The following FARS2 variants were observed in gnomAD, a reference collection of about 807,000 sequenced individuals.
FARS2 encodes phenylalanine--tRNA ligase, mitochondrial.
A neutral mutation model predicts 46.4 loss-of-function variants in FARS2; 40 were observed. The observed-to-expected ratio is 0.86, with a 90% CI of 0.67 to 1.12. FARS2 has a LOEUF of 1.12. Among genes scored for constraint, FARS2 ranks in the 50% most tolerant of loss-of-function variants. The pLI is 0.00. For synonymous variants in FARS2, 234 were observed against 214.9 expected (o/e 1.09, Z -0.78); for missense variants, 513 against 567.9 (o/e 0.90, Z 0.98).
chr6:5,766,407 G>A (rs58085393), intron 6 of FARS2, among the ~76,000 whole-genome samples: 3,577 of 152,236 alleles, frequency 0.023, 146 homozygotes, highest in African/African-American at 0.078. Context: ...ACATTAAATC[G>A]TCTGTGCCCC....
chr6:5,485,223 C>G (rs1351952622), intron 4 of FARS2, among the ~76,000 whole-genome samples: 1 of 152,114 alleles, frequency 6.6e-6, no homozygotes, highest in Admixed American at 6.5e-5. Flanking sequence ...AGTGTGGTGT[C>G]TCACTTTTCT....
chr6:5,290,531 TA>T (rs1430402668), intron 1 of FARS2, among the ~76,000 whole-genome samples: 2 of 152,222 alleles, frequency 1.3e-5, no homozygotes, highest in Non-Finnish European at 1.5e-5. Flanking sequence ...TAGGAATTTT[TA>T]AAGCAGAATG....
chr6:5,618,178 C>G (rs1469070173), intron 6 of FARS2, among the ~76,000 whole-genome samples: 1 of 152,120 alleles, frequency 6.6e-6, no homozygotes, highest in African/African-American at 2.4e-5. Flanking sequence ...GGTTGCTAAC[C>G]CTTGATTTGG....
intron 6 of FARS2, among the ~76,000 whole-genome samples, chr6:5,707,022 G>C (rs1011665289): frequency 6.6e-6 from 1 of 152,212 alleles, no homozygotes; most frequent in Non-Finnish European, 1.5e-5. Context: ...GCAGAGGCAC[G>C]ATCAGCACAG....
chr6:5,588,071 C>T (rs188749380), intron 5 of FARS2, among the ~76,000 whole-genome samples: 1 of 152,174 alleles, frequency 6.6e-6, no homozygotes, highest in Non-Finnish European at 1.5e-5. Flanking sequence ...GTGAAGGTGA[C>T]AGCTAGGCCT....
chr6:5,717,931 T>TAG (rs1175182131), intron 6 of FARS2, among the ~76,000 whole-genome samples: 1 of 118,518 alleles, frequency 8.4e-6, no homozygotes, highest in African/African-American at 4.5e-5. Flanking sequence ...TATATATATA[T>TAG]ATATACAGAG....
chr6:5,386,949 G>T lies in FARS2; in HGVS notation c.613-17593G>T, dbSNP rs182295209. ...TATCAGTTTAGCTGCATTCATCTAG[G>T]GGAAGGTACGCAGGGTAAAGACTGT... On this transcript the variant is annotated intron_variant, in intron 2 of 6. Transcript: ENST00000274680. Among the ~76,000 whole-genome samples the T allele has an allele frequency of 3.4e-4, 52 of 152,272 alleles. No homozygotes were observed. The South Asian group carries it at 0.011, about 31-fold the overall frequency.
Position 5,404,562 on chromosome 6 carries a change from T to A in FARS2, c.633T>A (p.Asp211Glu). The A allele has an allele frequency of 6.2e-7, 1 of 1,603,590 alleles. No individual in the cohort carries two copies. The highest frequency in any genetic ancestry group is 8.5e-7 in the Non-Finnish European group (1 of 1,174,570). ...TACAGTTATTTGCTGGTATAAAGGA[T>A]GGAGAAAGCCTGCAGCTCTTTGAAC... The part of the protein sequence containing the change: ...SKHELFAGIK[D>E]GESLQLFEQS... The change falls in exon 3 of 7, where the codon GAT becomes GAA. Residue 211 changes from aspartate to glutamate, a missense_variant. Coordinates refer to ENST00000274680, the MANE Select transcript of FARS2 (RefSeq NM_006567.5).
intron 6 of FARS2, among the ~76,000 whole-genome samples, chr6:5,725,765 G>A (rs182509228): frequency 2.0e-5 from 3 of 152,166 alleles, no homozygotes; most frequent in Non-Finnish European, 2.9e-5. Flanking sequence ...GCGAAACCCC[G>A]TGTCTACTAA....
intron 1 of FARS2, among the ~76,000 whole-genome samples, chr6:5,268,364 C>A (rs1765697913): frequency 6.6e-6 from 1 of 152,174 alleles, no homozygotes; most frequent in Admixed American, 6.5e-5. Flanking sequence ...TTTAATCCAT[C>A]TCACATTAAT....
chr6:5,375,362 T>C (rs1278379932), intron 2 of FARS2, among the ~76,000 whole-genome samples: 1 of 152,008 alleles, frequency 6.6e-6, no homozygotes, highest in Non-Finnish European at 1.5e-5. Flanking sequence ...GCATCAGATA[T>C]TTGAGATATT....
At chr6:5,706,692 A>G (rs1264573038) in intron 6 of FARS2, among the ~76,000 whole-genome samples, 1 of 152,346 alleles carries the variant, frequency 6.6e-6, no homozygotes. Flanking sequence ...ATCACTGGCC[A>G]TGTTTTAACT....
intron 6 of FARS2, among the ~76,000 whole-genome samples, chr6:5,631,418 AATATAGATAT>A (rs1484063063): frequency 1.3e-5 from 2 of 152,262 alleles, no homozygotes; most frequent in African/African-American, 4.8e-5. Flanking sequence ...AAAGGAGATC[AATATAGATAT>A]TCAAGATTGA....
chr6:5,291,974 TG>T (rs1178264415), intron 1 of FARS2, among the ~76,000 whole-genome samples: 1 of 152,090 alleles, frequency 6.6e-6, no homozygotes, highest in Non-Finnish European at 1.5e-5. Context: ...GGGTGATCAT[TG>T]TTAGATAGGT....
At chr6:5,324,443 C>CTTTTTTTT (rs745311767) in intron 1 of FARS2, among the ~76,000 whole-genome samples, 6 of 88,224 alleles carry the variant, frequency 6.8e-5, no homozygotes, top group Non-Finnish European at 1.2e-4. Flanking sequence ...AGACTATTTG[C>CTTTTTTTT]TTTTTTTTTT....
At chr6:5,371,605 A>G (rs547233481) in intron 2 of FARS2, among the ~76,000 whole-genome samples, 2 of 152,278 alleles carry the variant, frequency 1.3e-5, no homozygotes, top group Non-Finnish European at 1.5e-5. Flanking sequence ...GGGGGGAGTA[A>G]TCAATAGATA....
At chr6:5,609,305 G>T in intron 5 of FARS2, 7 of 1,089,828 alleles carry the variant, frequency 6.4e-6, no homozygotes, top group Non-Finnish European at 9.8e-6. Flanking sequence ...GTTTGGCAAA[G>T]TATTGGCCTC....
At chr6:5,359,446 A>G (rs1758165236) in intron 1 of FARS2, among the ~76,000 whole-genome samples, 1 of 152,160 alleles carries the variant, frequency 6.6e-6, no homozygotes, top group African/African-American at 2.4e-5. Context: ...TATTTTTTTA[A>G]AAAGACATTG....
intron 4 of FARS2, among the ~76,000 whole-genome samples, chr6:5,486,484 G>T (rs912839678): frequency 6.6e-6 from 1 of 152,180 alleles, no homozygotes; most frequent in African/African-American, 2.4e-5. Flanking sequence ...TCAGCTTAGT[G>T]GTGGGGTTAG....
Sources: allele counts gnomAD v4.1 joint callset (sites outside exome capture counted in the v4.1 genomes callset), GRCh38; gene constraint gnomAD v4.1.1; transcripts MANE v1.5; gene names NCBI Gene and HGNC (gene_info 2026-07-23, HGNC 2026-07-21).